ADGRB3: variants seen among roughly 807,000 people sequenced by gnomAD.
ADGRB3 encodes adhesion G protein-coupled receptor B3.
In ADGRB3, 37 loss-of-function variants were observed where a neutral mutation model predicts 193.4. The ratio of observed to expected loss-of-function variants is 0.19; its 90% CI spans 0.15 to 0.25. ADGRB3 has a LOEUF of 0.25. Ranked by LOEUF, ADGRB3 falls within the 10% of genes least tolerant of loss-of-function variation. The pLI is 1.00. For missense variants in ADGRB3, 1,637 were observed against 1,852.9 expected, an observed-to-expected ratio of 0.88 and a Z score of 2.14; for synonymous variants, 690 against 644.2, an observed-to-expected ratio of 1.07 and a Z score of -1.08.
chr6:69,098,950 TGA>T (rs1197084696), intron 17 of ADGRB3, among the ~76,000 whole-genome samples: 1 of 152,198 alleles, frequency 6.6e-6, no homozygotes, highest in Non-Finnish European at 1.5e-5. Context: ...AACTGGTATT[TGA>T]GAAGTTCTTA....
chr6:68,869,124 G>C (rs1362785288), intron 3 of ADGRB3, among the ~76,000 whole-genome samples: 1 of 152,064 alleles, frequency 6.6e-6, no homozygotes, highest in Non-Finnish European at 1.5e-5. Flanking sequence ...GTACATTAGA[G>C]AGAAATTAAT....
chr6:68,948,045 G>A (rs911415520), intron 6 of ADGRB3, among the ~76,000 whole-genome samples: 5 of 152,062 alleles, frequency 3.3e-5, no homozygotes, highest in Admixed American at 6.6e-5. Context: ...GTTCTGAACC[G>A]GATGCTGTTC....
At chr6:69,259,948 G>GC (rs1766886864) in intron 20 of ADGRB3, among the ~76,000 whole-genome samples, 1 of 152,154 alleles carries the variant, frequency 6.6e-6, no homozygotes, top group East Asian at 1.9e-4. Flanking sequence ...AGAAAAGTTA[G>GC]CCAAAAATTT....
At chr6:69,272,148 C>T (rs1026115878) in intron 20 of ADGRB3, among the ~76,000 whole-genome samples, 1 of 152,204 alleles carries the variant, frequency 6.6e-6, no homozygotes, top group African/African-American at 2.4e-5. Context: ...AATTGATAGG[C>T]ATATAAACAA....
At chr6:68,758,858 C>T (rs1766344320) in intron 3 of ADGRB3, among the ~76,000 whole-genome samples, 2 of 152,148 alleles carry the variant, frequency 1.3e-5, no homozygotes, top group Non-Finnish European at 2.9e-5. Flanking sequence ...CTAAAAACTG[C>T]TTTAGGATAA....
At chr6:69,327,572 T>G (rs913218955) in intron 21 of ADGRB3, among the ~76,000 whole-genome samples, 6 of 152,164 alleles carry the variant, frequency 3.9e-5, no homozygotes, top group Admixed American at 3.3e-4. Context: ...TTACTTCCAT[T>G]TAAACCCGTG....
chr6:68,785,679 G>A (rs1766952837), intron 3 of ADGRB3, among the ~76,000 whole-genome samples: 1 of 151,986 alleles, frequency 6.6e-6, no homozygotes, highest in Non-Finnish European at 1.5e-5. Flanking sequence ...CACAGTAATG[G>A]GATGGCTGGG....
In ADGRB3 at chr6:68,982,833, C is replaced by T. The variant is rs1768960202; in HGVS notation, c.1734+7493C>T. 2.0e-5 allele frequency among the ~76,000 whole-genome samples: 3 copies of T among 152,138 alleles called. No homozygotes were observed. In the South Asian group the frequency reaches 6.2e-4, roughly 32 times the overall value. On this transcript the variant is annotated intron_variant, in intron 10 of 31. Coordinates refer to ENST00000370598, the MANE Select transcript of ADGRB3 (RefSeq NM_001704.3). ...CAAATTATATTCATTTATCTTTCTA[C>T]CCGAGAGGTGCTCTGCCTCACCCGT...
At chr6:68,692,471 A>T (rs1204579511) in intron 3 of ADGRB3, among the ~76,000 whole-genome samples, 1 of 151,778 alleles carries the variant, frequency 6.6e-6, no homozygotes, top group African/African-American at 2.4e-5. Flanking sequence ...CCTTTTTATA[A>T]TTTTTTCCCT....
intron 13 of ADGRB3, among the ~76,000 whole-genome samples, chr6:69,031,051 CTT>C (rs1485837165): frequency 0.045 from 1,271 of 27,974 alleles, 253 homozygotes; most frequent in Non-Finnish European, 0.054. Flanking sequence ...CTTCTCTTCT[CTT>C]CTCTTCTCTT....
intron 26 of ADGRB3, among the ~76,000 whole-genome samples, chr6:69,348,113 G>T (rs2127324668): frequency 6.6e-6 from 1 of 152,140 alleles, no homozygotes; most frequent in Non-Finnish European, 1.5e-5. Context: ...TTCACACATG[G>T]TTCTCCTAGT....
intron 6 of ADGRB3, among the ~76,000 whole-genome samples, chr6:68,955,539 C>T (rs1337665374): frequency 1.3e-5 from 2 of 152,156 alleles, no homozygotes; most frequent in Non-Finnish European, 2.9e-5. Flanking sequence ...CCTGTAATCC[C>T]AGCACTTTGG....
At chr6:69,356,258 C>T (rs183587305) in intron 28 of ADGRB3, among the ~76,000 whole-genome samples, 1 of 152,238 alleles carries the variant, frequency 6.6e-6, no homozygotes, top group East Asian at 1.9e-4. Context: ...TGTACAATAA[C>T]ATCAAGGTTG....
At chr6:69,066,983 A>G (rs1262820222) in intron 16 of ADGRB3, among the ~76,000 whole-genome samples, 2 of 152,124 alleles carry the variant, frequency 1.3e-5, no homozygotes, top group African/African-American at 4.8e-5. Flanking sequence ...TAACATCTTT[A>G]TCTTTAAAGA....
chr6:68,643,951 A>C (rs1313176673), intron 3 of ADGRB3, among the ~76,000 whole-genome samples: 1 of 151,608 alleles, frequency 6.6e-6, no homozygotes, highest in Non-Finnish European at 1.5e-5. Context: ...AAAAAATTCC[A>C]TCTAACTCTA....
chr6:69,140,672 A>G (rs1362262238), intron 17 of ADGRB3, among the ~76,000 whole-genome samples: 2 of 152,246 alleles, frequency 1.3e-5, no homozygotes, highest in Non-Finnish European at 1.5e-5. Context: ...TTTGTAACAC[A>G]AAAGATAAAT....
chr6:68,773,536 T>C (rs1331996324), intron 3 of ADGRB3, among the ~76,000 whole-genome samples: 1 of 152,164 alleles, frequency 6.6e-6, no homozygotes, highest in African/African-American at 2.4e-5. Flanking sequence ...CTACTAAGTG[T>C]TGGCCACTGT....
At chr6:69,004,880 G>T (rs190019297) in intron 11 of ADGRB3, among the ~76,000 whole-genome samples, 160 of 152,184 alleles carry the variant, frequency 1.1e-3, no homozygotes, top group Middle Eastern at 0.01. Flanking sequence ...TATTGAAGGG[G>T]TCTGTGTCAG....
intron 20 of ADGRB3, among the ~76,000 whole-genome samples, chr6:69,323,291 T>C (rs1238914598): frequency 1.3e-5 from 2 of 151,974 alleles, no homozygotes; most frequent in Non-Finnish European, 1.5e-5. Context: ...ATCTAGTCTT[T>C]GGATAGCAAG....
Sources: allele counts gnomAD v4.1 joint callset (sites outside exome capture counted in the v4.1 genomes callset), GRCh38; gene constraint gnomAD v4.1.1; transcripts MANE v1.5; gene names NCBI Gene and HGNC (gene_info 2026-07-23, HGNC 2026-07-21).